Variants in OS9 observed in about 807,000 individuals in gnomAD.
OS9 encodes the protein OS9 endoplasmic reticulum lectin.
OS9 carries 58 observed loss-of-function variants against 84.7 expected under a neutral mutation model. That is an observed-to-expected ratio of 0.68 (90% CI 0.55 to 0.85). The LOEUF (loss-of-function observed/expected upper bound fraction) is 0.85. OS9 is among the 40% of genes least tolerant of loss of function. The pLI is 0.00. For missense variants in OS9, 760 were observed against 850.9 expected, an observed-to-expected ratio of 0.89 and a Z score of 1.33; for synonymous variants, 278 against 320.8, an observed-to-expected ratio of 0.87 and a Z score of 1.43.
intron 9 of OS9, 49 bp from the exon 10 acceptor site, chr12:57,717,821 A>T: frequency 1.9e-6 from 2 of 1,028,014 alleles, no homozygotes; most frequent in East Asian, 2.6e-5. Flanking sequence ...AAAAAAAAAG[A>T]ATTTAAACAC....
At position 57,696,302 on chromosome 12, in the gene OS9, T is replaced by C. The variant is rs1218264187; in HGVS notation, c.508T>C (p.Tyr170His). ...CTCCAAGCAGCATCGTCTTAAACGC[T>C]ACCACAGCCAGACCTATGGCAATGG... is the stretch of plus-strand genomic sequence containing the variant. ...KASKQHRLKR[Y>H]HSQTYGNGSK... The change falls in exon 5 of 15, where the codon TAC (tyrosine) becomes CAC (histidine). Residue 170 changes from tyrosine to histidine, a missense_variant. Coordinates refer to ENST00000315970, the MANE Select transcript of OS9 (RefSeq NM_006812.4). 3 of 1,613,560 alleles carry C rather than the reference T, an allele frequency of 1.9e-6. No homozygotes were observed. Among genetic ancestry groups the C allele is most frequent in the Non-Finnish European group, 2.5e-6 (3 of 1,179,740 alleles).
Position 57,694,228 on chromosome 12 carries a change from A to C in OS9, c.67A>C (p.Ser23Arg). Residue 23 changes from serine (S) to arginine (R), a missense_variant, in exon 1 of 15, where the codon AGT becomes CGT. Ser to Arg is a moderately radical substitution (Grantham distance 110). Coordinates refer to ENST00000315970, the MANE Select transcript of OS9 (RefSeq NM_006812.4). ...GCTTCTGGGACTCCTGTTACCCGCA[A>C]GTCTGACCGGCGGTGTCGGGAGCCT... ...LLLLGLLLPASLTGGVGSLNL... is the reference protein window; with the variant it reads ...LLLLGLLLPARLTGGVGSLNL... 1 of 1,614,200 alleles carries C rather than the reference A, an allele frequency of 6.2e-7. No homozygotes were observed. Among genetic ancestry groups the C allele is most frequent in the Non-Finnish European group, 8.5e-7 (1 of 1,180,032 alleles).
Position 57,715,869 on chromosome 12 carries a change from A to G in OS9, c.689A>G (p.His230Arg), listed in dbSNP as rs747887445. 2.5e-6 allele frequency: 4 copies of G among 1,611,422 alleles called. No individual in the cohort carries two copies. The highest frequency in any genetic ancestry group is 3.4e-6 in the Non-Finnish European group (4 of 1,178,798). ...LTIRTPRLCPHPLLRPPPSAA... is the reference protein window; with the variant it reads ...LTIRTPRLCPRPLLRPPPSAA... ...ATTCGCACTCCTCGGCTCTGCCCCC[A>G]CCCTCTCCTCCGGCCCCCACCCAGT... The change falls in exon 6 of 15, where the codon CAC becomes CGC. Residue 230 changes from histidine (H) to arginine (R), a missense_variant. Physicochemically the swap from His to Arg is conservative, Grantham distance 29 (BLOSUM62 0). Coordinates refer to ENST00000315970, the MANE Select transcript of OS9 (RefSeq NM_006812.4).
At chr12:57,704,677 C>T (rs1188853678) in intron 5 of OS9, among the ~76,000 whole-genome samples, 1 of 152,102 alleles carries the variant, frequency 6.6e-6, no homozygotes, top group African/African-American at 2.4e-5. Flanking sequence ...AATTATTTGT[C>T]ACCTACATTC....
intron 1 of OS9, 193 bp from the exon 2 acceptor site, chr12:57,694,557 A>C: frequency 2.9e-6 from 2 of 700,760 alleles, no homozygotes; most frequent in Non-Finnish European, 4.8e-6. Flanking sequence ...TTATGATCGA[A>C]ACACCCGGAC....
chr12:57,720,159 A>G lies in OS9; in HGVS notation c.1661A>G (p.Asn554Ser). The change falls in exon 13 of 15, where the codon AAT becomes AGT. Residue 554 changes from asparagine to serine, a missense_variant. Transcript: ENST00000315970. ...RVTKLRLGGP[N>S]QDLTVLEMKR... is the part of the protein sequence containing the mutation. ...ACCAAGCTCCGTCTCGGAGGCCCTA[A>G]TCAGGATCTGACTGTCCTCGAGATG... 6.2e-7 allele frequency: 1 copy of G among 1,614,230 alleles called. No homozygotes were observed. The highest frequency in any genetic ancestry group is 8.5e-7 in the Non-Finnish European group (1 of 1,180,024).
chr12:57,710,004 C>T (rs2140316236), intron 5 of OS9, among the ~76,000 whole-genome samples: 2 of 152,198 alleles, frequency 1.3e-5, no homozygotes, highest in Middle Eastern at 6.8e-3. Flanking sequence ...AGGCGTGTGC[C>T]ACCATGCCCA....
rs182634422 is a variant in OS9 at position 57,718,105 on chromosome 12, G to T, written c.1135-41G>T. The stretch of plus-strand genomic sequence containing the variant: ...CTGCCCCCGACCATGTGTCTCTGTT[G>T]AAACCCCAACTGTCTTTCTCCCCAC... On this transcript the variant is annotated intron_variant, in intron 10 of 14. Coordinates refer to ENST00000315970, the MANE Select transcript of OS9 (RefSeq NM_006812.4). The T allele has an allele frequency of 7.5e-6, 12 of 1,596,218 alleles. No individual in the cohort carries two copies. The African/African-American group carries it at 9.4e-5, about 12-fold the overall frequency.
At chr12:57,720,638 T>C (rs1424928750) in intron 14 of OS9, 120 bp downstream of exon 14, 7 of 1,276,112 alleles carry the variant, frequency 5.5e-6, no homozygotes, top group Non-Finnish European at 7.8e-6. Flanking sequence ...AGGCTGGGGT[T>C]CCAGTGGCTC....
At chr12:57,710,259 A>G (rs1046671050) in intron 5 of OS9, among the ~76,000 whole-genome samples, 3 of 152,152 alleles carry the variant, frequency 2.0e-5, no homozygotes, top group Admixed American at 6.5e-5. Context: ...TCAGGAGTTC[A>G]TTTCATCTAA....
At position 57,721,245 on chromosome 12, in the gene OS9, G is replaced by T; in HGVS notation, c.*336G>T. Reference sequence around the variant, plus strand: ...GAGATTCAGTAGGATCTTTTGAGTGGAGGTGGGTAGAGAGAGCAAGGAGGG... The same window carrying T: ...GAGATTCAGTAGGATCTTTTGAGTGTAGGTGGGTAGAGAGAGCAAGGAGGG... On this transcript the variant is annotated 3_prime_UTR_variant, in exon 15 of 15. Coordinates refer to ENST00000315970, the MANE Select transcript of OS9 (RefSeq NM_006812.4). The T allele has an allele frequency of 3.7e-6, 1 of 273,332 alleles. No individual in the cohort carries two copies. The highest frequency in any genetic ancestry group is 7.1e-6 in the Non-Finnish European group (1 of 140,030). The allele number at this position is 273,332 out of a possible 1,614,324, so 16.9% of individuals were successfully genotyped here.
chr12:57,695,686 A>G, intron 2 of OS9, 94 bp from the exon 3 acceptor site: 1 of 807,682 alleles, frequency 1.2e-6, no homozygotes, highest in African/African-American at 1.7e-5. Flanking sequence ...GTGTAAGTAG[A>G]TGAGAGGTTA....
At position 57,721,177 on chromosome 12, in the gene OS9, G is replaced by A. The variant is rs550656311; in HGVS notation, c.*268G>A. 12 of 404,610 alleles carry A rather than the reference G, an allele frequency of 3.0e-5. No homozygotes were observed. Among genetic ancestry groups the A allele is most frequent in the South Asian group, 2.8e-4 (12 of 42,194 alleles). 25.1% of individuals were successfully genotyped at this position (404,610 alleles called of 1,614,324 possible). A position where few individuals can be genotyped will look rare whatever the true frequency, so the allele number is the denominator to read the frequency against. ...CTTCCTCTCCTCTGTGGCTTTTCCT[G>A]TTATTGTCCCCTAATGATAGGATAT... On this transcript the variant is annotated 3_prime_UTR_variant, in exon 15 of 15. Transcript: ENST00000315970.
chr12:57,700,202 G>T (rs1021061067), intron 5 of OS9, among the ~76,000 whole-genome samples: 16 of 151,828 alleles, frequency 1.1e-4, no homozygotes, highest in Admixed American at 9.2e-4. Flanking sequence ...GTGCTGGGGG[G>T]TTGAGAGAGG....
At position 57,720,788 on chromosome 12, in the gene OS9, C is replaced by T. The variant is rs754364285; in HGVS notation, c.1883C>T (p.Pro628Leu). 4.4e-6 allele frequency: 7 copies of T among 1,606,678 alleles called. No homozygotes were observed. Among genetic ancestry groups the T allele is most frequent in the African/African-American group, 1.3e-5 (1 of 74,862 alleles). Residue 628 changes from proline to leucine, a missense_variant, in exon 15 of 15, where the codon CCG (proline) becomes CTG (leucine). Coordinates refer to ENST00000315970, the MANE Select transcript of OS9 (RefSeq NM_006812.4). The part of the protein sequence containing the change: ...LKEIFFNILV[P>L]GAEEAQKERQ... ...ACCTCTACCCTCTCCCACCAGGTGC[C>T]GGGAGCTGAAGAGGCCCAGAAGGAA...
chr12:57,695,332 C>T (rs1176897447), intron 2 of OS9, among the ~76,000 whole-genome samples: 7 of 152,114 alleles, frequency 4.6e-5, no homozygotes, highest in African/African-American at 1.2e-4. Flanking sequence ...TCTGATTCCC[C>T]GCATTAGAGT....
chr12:57,703,293 G>T (rs1341787487), intron 5 of OS9, among the ~76,000 whole-genome samples: 3 of 151,928 alleles, frequency 2.0e-5, no homozygotes. Flanking sequence ...AGAGATGGGG[G>T]TCTCGTTATG....
chr12:57,701,264 T>TTA (rs1954016461), intron 5 of OS9, among the ~76,000 whole-genome samples: 3 of 5,506 alleles, frequency 5.4e-4, no homozygotes, highest in Non-Finnish European at 2.0e-3. Context: ...GTTGAGTGAT[T>TTA]TTTTTTTTTT....
At chr12:57,710,555 T>C (rs1178175442) in intron 5 of OS9, among the ~76,000 whole-genome samples, 1 of 152,234 alleles carries the variant, frequency 6.6e-6, no homozygotes, top group East Asian at 1.9e-4. Flanking sequence ...TTTGTTCAAC[T>C]TCTTGAAATG....
Sources: allele counts gnomAD v4.1 joint callset (sites outside exome capture counted in the v4.1 genomes callset), GRCh38; gene constraint gnomAD v4.1.1; transcripts MANE v1.5; gene names NCBI Gene and HGNC (gene_info 2026-07-23, HGNC 2026-07-21).